The following FBXO16 variants were observed in gnomAD, a reference collection of about 807,000 sequenced individuals.
FBXO16 encodes the protein F-box protein 16, also known as F-box only protein 16.
A neutral mutation model predicts 41.0 loss-of-function variants in FBXO16; 31 were observed. The observed-to-expected ratio is 0.76, with a 90% CI of 0.57 to 1.02. The LOEUF (loss-of-function observed/expected upper bound fraction) is 1.02, where lower values mean the gene tolerates loss of function less well. Ranked by LOEUF, FBXO16 falls within the 50% of genes least tolerant of loss-of-function variation. The probability of loss-of-function intolerance (pLI) is 0.00; values close to 1 mark genes in which losing one functional copy is unlikely to be tolerated. For missense variants in FBXO16, 361 were observed against 346.2 expected (o/e 1.04, Z -0.34); for synonymous variants, 133 against 117.8 (o/e 1.13, Z -0.84).
intron 8 of FBXO16, 32 bp downstream of exon 8, chr8:28,429,346 T>C: frequency 6.2e-7 from 1 of 1,612,436 alleles, no homozygotes; most frequent in Non-Finnish European, 8.5e-7. Flanking sequence ...AAAAGGCAAA[T>C]GTCACAGGTT....
At chr8:28,463,277 CAT>C (rs1163160694) in intron 4 of FBXO16, among the ~76,000 whole-genome samples, 1 of 143,694 alleles carries the variant, frequency 7.0e-6, no homozygotes, top group Non-Finnish European at 1.5e-5. Context: ...TTTGTGTGTG[CAT>C]GTGTATATGT....
chr8:28,448,012 C>T (rs1802893213), intron 6 of FBXO16, among the ~76,000 whole-genome samples: 1 of 151,618 alleles, frequency 6.6e-6, no homozygotes, highest in Admixed American at 6.6e-5. Flanking sequence ...AAATAGTTAC[C>T]TGTAAGTAGG....
At chr8:28,486,693 G>C (rs1803608837) in intron 1 of FBXO16, among the ~76,000 whole-genome samples, 1 of 151,930 alleles carries the variant, frequency 6.6e-6, no homozygotes, top group Non-Finnish European at 1.5e-5. Context: ...GCTGGGCTTA[G>C]TGGTGCACGC....
chr8:28,482,816 T>C (rs1391682817), intron 2 of FBXO16, among the ~76,000 whole-genome samples: 3 of 152,032 alleles, frequency 2.0e-5, no homozygotes, highest in Non-Finnish European at 4.4e-5. Flanking sequence ...TGACCTCAGA[T>C]GATCCACCTG....
At chr8:28,489,545 A>T (rs1056260481) in intron 1 of FBXO16, among the ~76,000 whole-genome samples, 16 of 119,840 alleles carry the variant, frequency 1.3e-4, no homozygotes, top group Non-Finnish European at 8.9e-5. Context: ...AAAAAAAAAA[A>T]TTGCCAGGTG....
intron 7 of FBXO16, among the ~76,000 whole-genome samples, chr8:28,442,466 C>T (rs1318524795): frequency 2.6e-5 from 4 of 152,076 alleles, no homozygotes; most frequent in African/African-American, 4.8e-5. Context: ...CCACTGTAAC[C>T]TCTGCTTCCT....
At chr8:28,466,587 C>G (rs561558173) in intron 3 of FBXO16, among the ~76,000 whole-genome samples, 1 of 150,200 alleles carries the variant, frequency 6.7e-6, no homozygotes, top group African/African-American at 2.5e-5. Context: ...GTCAGGAGAT[C>G]GAGACCATCC....
intron 2 of FBXO16, among the ~76,000 whole-genome samples, chr8:28,479,803 C>T (rs916017153): frequency 6.6e-6 from 1 of 152,142 alleles, no homozygotes; most frequent in African/African-American, 2.4e-5. Context: ...TTACCCCAAC[C>T]TCCAACTCCT....
chr8:28,453,642 G>A (rs555533778), intron 5 of FBXO16, among the ~76,000 whole-genome samples: 1 of 151,974 alleles, frequency 6.6e-6, no homozygotes, highest in Non-Finnish European at 1.5e-5. Flanking sequence ...TGCTTCCATT[G>A]CTGGTGAAAA....
intron 7 of FBXO16, among the ~76,000 whole-genome samples, chr8:28,436,480 G>A (rs1802689161): frequency 6.6e-6 from 1 of 152,180 alleles, no homozygotes; most frequent in Non-Finnish European, 1.5e-5. Flanking sequence ...AAGTAACCTT[G>A]GGGTAATATT....
rs1220327658 is a variant in FBXO16, at chr8:28,447,198, T to C, written c.816A>G (p.Arg272=). 1 of 1,612,464 alleles carries C rather than the reference T, an allele frequency of 6.2e-7. No individual in the cohort carries two copies. The highest frequency in any genetic ancestry group is 2.2e-5 in the East Asian group (1 of 44,864). The change falls in exon 7 of 9, where the codon AGA becomes AGG. Residue 272 remains arginine (R), a synonymous_variant. Coordinates refer to ENST00000380254, the MANE Select transcript of FBXO16 (RefSeq NM_172366.4). ...SHDKKNKLQD[R]TRLRKAQSMM... ...TTGATTGTGCTTTTCTTAGCCTAGTTCTGTCCTGCAATTTATTTTTCTTAT... is the reference window on the plus strand; with the variant it reads ...TTGATTGTGCTTTTCTTAGCCTAGTCCTGTCCTGCAATTTATTTTTCTTAT...
chr8:28,463,340 G>GTA (rs765034817), intron 4 of FBXO16, among the ~76,000 whole-genome samples: 7 of 151,392 alleles, frequency 4.6e-5, no homozygotes, highest in Admixed American at 3.3e-4. Context: ...GTGTTTGTGT[G>GTA]TATATTTGTG....
intron 2 of FBXO16, among the ~76,000 whole-genome samples, chr8:28,474,562 G>A (rs1483365413): frequency 2.0e-5 from 3 of 152,010 alleles, no homozygotes; most frequent in Admixed American, 2.0e-4. Flanking sequence ...CAAAACAAGT[G>A]AATGATCAGT....
intron 2 of FBXO16, among the ~76,000 whole-genome samples, chr8:28,480,494 C>A (rs1229542663): frequency 6.6e-6 from 1 of 151,612 alleles, no homozygotes; most frequent in Non-Finnish European, 1.5e-5. Flanking sequence ...TTTTCTTTTT[C>A]TTTCTTTCTT....
At position 28,463,774 on chromosome 8, in the gene FBXO16, G is replaced by T. The variant is rs1477222212; in HGVS notation, c.180C>A (p.Gly60=). The change falls in exon 4 of 9, where the codon GGC becomes GGA. Residue 60 remains glycine (G), a synonymous_variant. Coordinates refer to ENST00000380254, the MANE Select transcript of FBXO16 (RefSeq NM_172366.4). ...GGGACAGCGAGCAGCGCTCCAACAG[G>T]CCTGTGAGGATTCTTCTTCTTTGAG... ...TDSQRRRILT[G]LLERCSLSQQ... is the part of the protein sequence containing the mutation. 1.9e-6 allele frequency: 3 copies of T among 1,614,068 alleles called. No individual in the cohort carries two copies. The highest frequency in any genetic ancestry group is 2.2e-5 in the East Asian group (1 of 44,892).
At chr8:28,483,489 A>C (rs770922806) in intron 1 of FBXO16, 27 bp from the exon 2 acceptor site, 3 of 1,525,014 alleles carry the variant, frequency 2.0e-6, no homozygotes, top group Non-Finnish European at 2.7e-6. Context: ...AACACCTATC[A>C]GAAGAAGTGA....
chr8:28,475,753 C>T (rs1803413657), intron 2 of FBXO16, among the ~76,000 whole-genome samples: 1 of 152,266 alleles, frequency 6.6e-6, no homozygotes, highest in East Asian at 1.9e-4. Flanking sequence ...CTCCACAGAA[C>T]CCTCAAGTAC....
At chr8:28,464,915 G>C (rs1424661466) in intron 3 of FBXO16, among the ~76,000 whole-genome samples, 1 of 152,148 alleles carries the variant, frequency 6.6e-6, no homozygotes, top group Non-Finnish European at 1.5e-5. Flanking sequence ...GCCTCCCAAA[G>C]TGCTAAGACT....
intron 2 of FBXO16, among the ~76,000 whole-genome samples, chr8:28,474,372 G>GA (rs1389386910): frequency 6.8e-5 from 5 of 73,202 alleles, no homozygotes; most frequent in East Asian, 3.1e-4. Flanking sequence ...AAGAAGAAAA[G>GA]AAAAAATGAA....
Sources: allele counts gnomAD v4.1 joint callset (sites outside exome capture counted in the v4.1 genomes callset), GRCh38; gene constraint gnomAD v4.1.1; transcripts MANE v1.5; gene names NCBI Gene and HGNC (gene_info 2026-07-23, HGNC 2026-07-21).